The following RPS6KA2 variants were observed in gnomAD, a reference collection of about 807,000 sequenced individuals.
RPS6KA2 encodes ribosomal protein S6 kinase A2.
A neutral mutation model predicts 91.8 loss-of-function variants in RPS6KA2; 42 were observed. That is an observed-to-expected ratio of 0.46 (90% CI 0.36 to 0.59). The LOEUF (loss-of-function observed/expected upper bound fraction) is 0.59. Among genes scored for constraint, RPS6KA2 ranks in the 20% least tolerant of loss-of-function variants. RPS6KA2 has a pLI of 0.00. For synonymous variants in RPS6KA2, 414 were observed against 393.6 expected (o/e 1.05, Z -0.61); for missense variants, 798 against 978.5 (o/e 0.82, Z 2.46).
chr6:166,636,906 T>C (rs191063310), intron 2 of RPS6KA2, among the ~76,000 whole-genome samples: 26 of 152,260 alleles, frequency 1.7e-4, no homozygotes, highest in African/African-American at 6.3e-4. Context: ...TAGGCCAATT[T>C]TTAAAAAAAA....
rs1778633706 is a variant in RPS6KA2 at position 166,419,000 on chromosome 6, T to C, written c.1821-658A>G. On this transcript the variant is annotated intron_variant, in intron 18 of 20. Coordinates refer to ENST00000265678, the MANE Select transcript of RPS6KA2 (RefSeq NM_021135.6). This position sits in a 1 kb window ranked among gnomAD's most constrained non-coding sequence, Gnocchi z 4.9. ...GCGTCACAAAGTAACCTGACTGTGG[T>C]ATTGGTAAGAAACTGAGGTTCCTTC... Among the ~76,000 whole-genome samples the C allele has an allele frequency of 1.3e-5, 2 of 152,194 alleles. No individual in the cohort carries two copies. Among genetic ancestry groups the C allele is most frequent in the South Asian group, 2.1e-4 (1 of 4,836 alleles).
Position 166,732,024 on chromosome 6 carries a change from G to A in RPS6KA2, c.123+126176C>T, listed in dbSNP as rs943072833. Among the ~76,000 whole-genome samples the A allele has an allele frequency of 6.6e-6, 1 of 152,190 alleles. No homozygotes were observed. The highest frequency in any genetic ancestry group is 1.5e-5 in the Non-Finnish European group (1 of 68,026). On this transcript the variant is annotated intron_variant, in intron 2 of 21. Coordinates refer to the RPS6KA2 transcript ENST00000503859. This position sits in a 1 kb window ranked among gnomAD's most constrained non-coding sequence, Gnocchi z 4.0. ...AAGGCCTCATAGAAATTTTTTATTA[G>A]TGGTGGCTACTGAGGAGACGGGAAG...
At chr6:166,690,625 T>C (rs771415037) in intron 2 of RPS6KA2, among the ~76,000 whole-genome samples, 4 of 152,158 alleles carry the variant, frequency 2.6e-5, no homozygotes, top group Non-Finnish European at 5.9e-5. Context: ...TTCCTCTCTG[T>C]GGATGAGGAC....
At chr6:166,792,504 TG>T (rs1779117178) in intron 2 of RPS6KA2, among the ~76,000 whole-genome samples, 1 of 151,932 alleles carries the variant, frequency 6.6e-6, no homozygotes, top group Non-Finnish European at 1.5e-5. Flanking sequence ...ACTCATTTTA[TG>T]AGGCCAGCAT....
In RPS6KA2 at chr6:166,558,769, G is replaced by A. The variant is rs192257885; in HGVS notation, c.100-19985C>T. ...CGAGAGGCCTAATAAAGCCCACACCGTGGAGAAAGTCTACAGTCACGGAGC... is the reference window on the plus strand; with the variant it reads ...CGAGAGGCCTAATAAAGCCCACACCATGGAGAAAGTCTACAGTCACGGAGC... On this transcript the variant is annotated intron_variant, in intron 1 of 20. Transcript: ENST00000265678. 5.6e-4 allele frequency among the ~76,000 whole-genome samples: 85 copies of A among 152,326 alleles called. 1 individual carries two copies. The highest frequency in any genetic ancestry group is 1.6e-3 in the African/African-American group (68 of 41,564).
chr6:166,456,838 T>G (rs890072264), intron 12 of RPS6KA2, among the ~76,000 whole-genome samples: 4 of 152,230 alleles, frequency 2.6e-5, no homozygotes, highest in African/African-American at 9.6e-5. Flanking sequence ...TGAAACTGAT[T>G]GGAGAACTGG....
chr6:166,641,292 T>C (rs1474468058), intron 2 of RPS6KA2, among the ~76,000 whole-genome samples: 1 of 152,104 alleles, frequency 6.6e-6, no homozygotes, highest in Admixed American at 6.5e-5. Flanking sequence ...TAATATAAAA[T>C]ATGTGTCTTC....
At chr6:166,668,816 C>CTCCA (rs1788390344) in intron 2 of RPS6KA2, among the ~76,000 whole-genome samples, 1 of 149,974 alleles carries the variant, frequency 6.7e-6, no homozygotes, top group Non-Finnish European at 1.5e-5. Context: ...CTTTCCTTCC[C>CTCCA]TCCATCCCTC....
At chr6:166,436,567 G>A (rs111529118) in intron 14 of RPS6KA2, among the ~76,000 whole-genome samples, 4 of 152,328 alleles carry the variant, frequency 2.6e-5, no homozygotes, top group South Asian at 2.1e-4. Flanking sequence ...GAAAGGCCTC[G>A]GCCCGACACT....
At chr6:166,551,408 A>T (rs548258868) in intron 1 of RPS6KA2, among the ~76,000 whole-genome samples, 126 of 152,336 alleles carry the variant, frequency 8.3e-4, no homozygotes, top group Middle Eastern at 3.4e-3. Flanking sequence ...GAGTTTCAGA[A>T]GACATGTGGC....
At position 166,433,041 on chromosome 6, in the gene RPS6KA2, A is replaced by C. The variant is rs1482863053; in HGVS notation, c.1333-551T>G. On this transcript the variant is annotated intron_variant, in intron 14 of 20. Transcript: ENST00000265678. This position sits in a 1 kb window ranked among gnomAD's most constrained non-coding sequence, Gnocchi z 4.4. The stretch of plus-strand genomic sequence containing the variant: ...GTACAAGACTTCAGACATGAATTTT[A>C]AGGTGTTATAAGGTTGGGTGGAGAC... Among the ~76,000 whole-genome samples the C allele has an allele frequency of 1.3e-5, 2 of 151,124 alleles. No homozygotes were observed. Among genetic ancestry groups the C allele is most frequent in the Non-Finnish European group, 2.9e-5 (2 of 67,908 alleles).
At chr6:166,805,854 G>A (rs934503298) in intron 2 of RPS6KA2, among the ~76,000 whole-genome samples, 20 of 152,116 alleles carry the variant, frequency 1.3e-4, no homozygotes, top group Admixed American at 5.9e-4. Context: ...GATGCTTGAA[G>A]AACTAAAGGA....
chr6:166,568,249 G>A (rs1784561050), intron 1 of RPS6KA2, among the ~76,000 whole-genome samples: 1 of 152,112 alleles, frequency 6.6e-6, no homozygotes, highest in African/African-American at 2.4e-5. Flanking sequence ...GAATTCCTGA[G>A]ACCCATCCAC....
intron 1 of RPS6KA2, among the ~76,000 whole-genome samples, chr6:166,539,385 G>T (rs555147372): frequency 6.6e-6 from 1 of 152,244 alleles, no homozygotes; most frequent in African/African-American, 2.4e-5. Flanking sequence ...TAACAGTCTG[G>T]GCAGAAGTTC....
chr6:166,830,987 G>A (rs759272078), intron 2 of RPS6KA2, among the ~76,000 whole-genome samples: 2 of 152,186 alleles, frequency 1.3e-5, no homozygotes, highest in African/African-American at 4.8e-5. Context: ...TGTGGTTGGG[G>A]AGTTTCTTCT....
rs566623892 is a variant in RPS6KA2 at position 166,698,829 on chromosome 6, G to A, written c.123+159371C>T. ...TTTTTAACCAGCCTGGTTGGAGGAC[G>A]GAAAATGGAGGCAAGAGAATGTGCT... On this transcript the variant is annotated intron_variant, in intron 2 of 21. Coordinates refer to the RPS6KA2 transcript ENST00000503859. Among the ~76,000 whole-genome samples, 51 of 152,312 alleles carry A rather than the reference G, an allele frequency of 3.3e-4. 1 individual carries two copies. Among genetic ancestry groups the A allele is most frequent in the Middle Eastern group, 3.4e-3 (1 of 294 alleles).
chr6:166,692,353 A>G (rs550369524), intron 2 of RPS6KA2, among the ~76,000 whole-genome samples: 44 of 152,306 alleles, frequency 2.9e-4, no homozygotes, highest in African/African-American at 9.9e-4. Flanking sequence ...TATATGCCCA[A>G]GAAGAAGATG....
chr6:166,454,995 A>G (rs6937207), intron 12 of RPS6KA2, among the ~76,000 whole-genome samples: 5,971 of 151,682 alleles, frequency 0.039, 390 homozygotes, highest in African/African-American at 0.13. Flanking sequence ...GAAAACACAC[A>G]TATGTACAAA....
At chr6:166,686,857 A>G (rs542494588) in intron 2 of RPS6KA2, among the ~76,000 whole-genome samples, 267 of 152,300 alleles carry the variant, frequency 1.8e-3, no homozygotes, top group Non-Finnish European at 3.0e-3. Flanking sequence ...TGCCAATTAC[A>G]GTGTGGCCAC....
Sources: allele counts gnomAD v4.1 joint callset (sites outside exome capture counted in the v4.1 genomes callset), GRCh38; gene constraint gnomAD v4.1.1; non-coding constraint Gnocchi (gnomAD v3.1); transcripts MANE v1.5; gene names NCBI Gene and HGNC (gene_info 2026-07-23, HGNC 2026-07-21).